SIRT5: variants seen among roughly 807,000 people sequenced by gnomAD.
SIRT5 encodes the protein sirtuin 5.
SIRT5 carries 26 observed loss-of-function variants against 40.0 expected under a neutral mutation model. The observed-to-expected ratio is 0.65, with a 90% CI of 0.48 to 0.90. SIRT5 has a LOEUF of 0.90. Ranked by LOEUF, SIRT5 falls within the 40% of genes least tolerant of loss-of-function variation. The probability of loss-of-function intolerance (pLI) is 0.00; values close to 1 mark genes in which losing one functional copy is unlikely to be tolerated. For synonymous variants in SIRT5, 146 were observed against 149.1 expected, an observed-to-expected ratio of 0.98 and a Z score of 0.15; for missense variants, 401 against 402.4, an observed-to-expected ratio of 1.00 and a Z score of 0.03.
At chr6:13,602,021 TA>T (rs1181855455) in intron 9 of SIRT5, among the ~76,000 whole-genome samples, 3 of 151,208 alleles carry the variant, frequency 2.0e-5, no homozygotes, top group African/African-American at 2.4e-5. Flanking sequence ...AAGATAGCCT[TA>T]AAAAAAAATT....
rs148455115 is a variant in SIRT5 at position 13,602,066 on chromosome 6, C to T, written c.857+1117C>T. ...TGCAAAACTTATACTCTGAAAACTA[C>T]AGAACATTATTGAAAGAAATAAGGA... On this transcript the variant is annotated intron_variant, in intron 9 of 9. Coordinates refer to ENST00000606117, the MANE Select transcript of SIRT5 (RefSeq NM_012241.5). Among the ~76,000 whole-genome samples, 386 of 152,050 alleles carry T rather than the reference C, an allele frequency of 2.5e-3. 1 individual carries two copies. The highest frequency in any genetic ancestry group is 9.1e-3 in the African/African-American group (378 of 41,464).
chr6:13,580,362 T>C (rs1463309205), intron 2 of SIRT5, among the ~76,000 whole-genome samples: 1 of 152,180 alleles, frequency 6.6e-6, no homozygotes, highest in Non-Finnish European at 1.5e-5. Flanking sequence ...CGCTTTTTAT[T>C]ATACAGTTCT....
intron 7 of SIRT5, 67 bp downstream of exon 7, chr6:13,597,083 A>G: frequency 7.9e-7 from 1 of 1,273,860 alleles, no homozygotes; most frequent in Non-Finnish European, 1.1e-6. Context: ...AACAGACATC[A>G]AAACCTAAAC....
At chr6:13,609,767 TA>T (rs1455520425) in intron 9 of SIRT5, among the ~76,000 whole-genome samples, 7 of 152,254 alleles carry the variant, frequency 4.6e-5, no homozygotes, top group African/African-American at 1.7e-4. Context: ...CAGCTTGTCC[TA>T]GGGGAAAATA....
chr6:13,611,871 C>G lies in SIRT5; in HGVS notation c.*6C>G. ...AAAATGAAACTGTTTCTTAAGTGTC[C>G]TGGGGAAGAAAGAAATTACAGTATA... is the stretch of plus-strand genomic sequence containing the variant. On this transcript the variant is annotated 3_prime_UTR_variant, in exon 10 of 10. Coordinates refer to ENST00000606117, the MANE Select transcript of SIRT5 (RefSeq NM_012241.5). The G allele has an allele frequency of 6.2e-7, 1 of 1,613,350 alleles. No homozygotes were observed. The highest frequency in any genetic ancestry group is 8.5e-7 in the Non-Finnish European group (1 of 1,179,500).
intron 2 of SIRT5, among the ~76,000 whole-genome samples, chr6:13,582,200 C>G (rs574469084): frequency 6.6e-6 from 1 of 152,228 alleles, no homozygotes; most frequent in Non-Finnish European, 1.5e-5. Context: ...AAAATCCTTG[C>G]TCAGCTCTAA....
At chr6:13,589,963 A>G (rs1436376763) in intron 4 of SIRT5, among the ~76,000 whole-genome samples, 1 of 152,148 alleles carries the variant, frequency 6.6e-6, no homozygotes, top group African/African-American at 2.4e-5. Context: ...ACTCCAGGCC[A>G]TGTGTTCTAG....
chr6:13,601,023 C>T (rs1465645585), intron 9 of SIRT5, 74 bp downstream of exon 9: 4 of 1,118,062 alleles, frequency 3.6e-6, no homozygotes, highest in Non-Finnish European at 3.9e-6. Context: ...CATAGTTGAC[C>T]TACTCCTCTA....
At chr6:13,590,200 A>G (rs1160271991) in intron 4 of SIRT5, among the ~76,000 whole-genome samples, 2 of 152,150 alleles carry the variant, frequency 1.3e-5, no homozygotes, top group African/African-American at 2.4e-5. Context: ...ATGAGTTTTA[A>G]CAGGTGCATG....
intron 2 of SIRT5, among the ~76,000 whole-genome samples, chr6:13,580,322 C>T (rs377314196): frequency 1.6e-4 from 25 of 152,220 alleles, no homozygotes; most frequent in African/African-American, 5.8e-4. Context: ...TGAGGTTTAT[C>T]ATATTACTCC....
intron 9 of SIRT5, chr6:13,604,584 G>C: frequency 6.4e-7 from 1 of 1,562,890 alleles, no homozygotes; most frequent in Non-Finnish European, 8.6e-7. Context: ...TAAAACTGGA[G>C]TATTTCCACA....
Position 13,614,935 on chromosome 6 carries a change from G to T in SIRT5, c.*3070G>T, listed in dbSNP as rs1279900385. On this transcript the variant is annotated 3_prime_UTR_variant, in exon 10 of 10. Coordinates refer to ENST00000606117, the MANE Select transcript of SIRT5 (RefSeq NM_012241.5). Reference sequence around the variant, plus strand: ...GCGAACGCAGCCAAATCTACACAAAGACTGACAAGCTGGATCCACTCGACG... The same window carrying T: ...GCGAACGCAGCCAAATCTACACAAATACTGACAAGCTGGATCCACTCGACG... 4 of 175,410 alleles carry T rather than the reference G, an allele frequency of 2.3e-5. No homozygotes were observed. The highest frequency in any genetic ancestry group is 1.2e-5 in the Non-Finnish European group (1 of 83,500). The allele number at this position is 175,410 out of a possible 1,614,324, so 10.9% of individuals were successfully genotyped here. A position where few individuals can be genotyped will look rare whatever the true frequency, so the allele number is the denominator to read the frequency against.
chr6:13,586,857 C>A (rs932385276), intron 3 of SIRT5, among the ~76,000 whole-genome samples: 5 of 152,144 alleles, frequency 3.3e-5, no homozygotes, highest in African/African-American at 4.8e-5. Context: ...TAGGATGCCC[C>A]TTATGGCTGG....
chr6:13,591,565 C>T (rs367750513), intron 4 of SIRT5, 104 bp from the exon 5 acceptor site: 12 of 969,408 alleles, frequency 1.2e-5, no homozygotes, highest in South Asian at 3.7e-5. Flanking sequence ...TGCACCTTCC[C>T]GACGCTGCCT....
intron 4 of SIRT5, among the ~76,000 whole-genome samples, chr6:13,590,725 TTGTGTATGTAGTTG>T (rs1361020607): frequency 3.3e-5 from 5 of 151,584 alleles, no homozygotes; most frequent in Non-Finnish European, 7.4e-5. Flanking sequence ...GTGGGTGTAG[TTGTGTATGTAGTTG>T]TGTGTATGTA....
Position 13,613,483 on chromosome 6 carries a change from C to T in SIRT5, c.*1618C>T, listed in dbSNP as rs1185782758. On this transcript the variant is annotated 3_prime_UTR_variant, in exon 10 of 10. Transcript: ENST00000606117. ...TCCCTGAAGTGATTACATACTTGGA[C>T]CACATCACCTCAGCCCCTTGCAAAA... The T allele has an allele frequency of 6.6e-6, 1 of 152,230 alleles. No individual in the cohort carries two copies. The highest frequency in any genetic ancestry group is 1.5e-5 in the Non-Finnish European group (1 of 68,054). The allele number at this position is 152,230 out of a possible 1,614,324, so 9.4% of individuals were successfully genotyped here. A position where few individuals can be genotyped will look rare whatever the true frequency, so the allele number is the denominator to read the frequency against.
rs1467105007 is a variant in SIRT5, at chr6:13,576,048, G to A, written c.-195+1304G>A. On this transcript the variant is annotated intron_variant, in intron 1 of 9. Transcript: ENST00000606117. ...ATATGTGCCACATTTTCTTTATCCGGTCCTCAGTTGATGGATACTTAGTTG... is the reference window on the plus strand; with the variant it reads ...ATATGTGCCACATTTTCTTTATCCGATCCTCAGTTGATGGATACTTAGTTG... 4.6e-5 allele frequency among the ~76,000 whole-genome samples: 7 copies of A among 152,120 alleles called. No homozygotes were observed. In the East Asian group the frequency reaches 1.3e-3, roughly 29 times the overall value.
Position 13,612,023 on chromosome 6 carries a change from A to C in SIRT5, c.*158A>C, listed in dbSNP as rs1285174413. On this transcript the variant is annotated 3_prime_UTR_variant, in exon 10 of 10. Transcript: ENST00000606117. ...ACCTGTTGATAAGTGATGGGGGTTT[A>C]GAAGTAGCAAAGAGCACCCACATTC... 1.8e-6 allele frequency: 1 copy of C among 566,884 alleles called. No homozygotes were observed. The highest frequency in any genetic ancestry group is 1.8e-5 in the African/African-American group (1 of 54,290). The allele number at this position is 566,884 out of a possible 1,614,324, so 35.1% of individuals were successfully genotyped here.
chr6:13,591,927 C>A, intron 5 of SIRT5, 33 bp downstream of exon 5: 1 of 1,595,894 alleles, frequency 6.3e-7, no homozygotes, highest in South Asian at 1.1e-5. Context: ...TTCAGGGAAC[C>A]AGCTTTAAAA....
Sources: gnomAD v4.1 joint callset for allele counts (sites outside exome capture counted in the v4.1 genomes callset) on GRCh38, gnomAD v4.1.1 for gene constraint, MANE v1.5 for transcripts, NCBI Gene and HGNC (gene_info 2026-07-23, HGNC 2026-07-21) for gene names.